The following RAB21 variants were observed in gnomAD, a reference collection of about 807,000 sequenced individuals.
RAB21 encodes ras-related protein Rab-21.
In RAB21, 13 loss-of-function variants were observed where a neutral mutation model predicts 33.1. The observed-to-expected ratio is 0.39, with a 90% CI of 0.26 to 0.62. The LOEUF (loss-of-function observed/expected upper bound fraction) is 0.62. RAB21 is among the 20% of genes least tolerant of loss of function. The pLI is 0.48. For missense variants in RAB21, 234 were observed against 279.1 expected, an observed-to-expected ratio of 0.84 and a Z score of 1.15; for synonymous variants, 91 against 103.7, an observed-to-expected ratio of 0.88 and a Z score of 0.74.
At position 71,788,716 on chromosome 12, in the gene RAB21, A is replaced by C. The variant is rs1262738541; in HGVS notation, c.*3043A>C. On this transcript the variant is annotated 3_prime_UTR_variant, in exon 7 of 7. Coordinates refer to ENST00000261263, the MANE Select transcript of RAB21 (RefSeq NM_014999.4). ...GCATATACAGTTAACTTATATAATT[A>C]AAAATTGGTTTAAGATAGTGATTAA... 1 of 152,186 alleles carries C rather than the reference A, an allele frequency of 6.6e-6. No homozygotes were observed. Among genetic ancestry groups the C allele is most frequent in the Non-Finnish European group, 1.5e-5 (1 of 68,014 alleles). The allele number at this position is 152,186 out of a possible 1,614,324, so 9.4% of individuals were successfully genotyped here.
rs1410070858 is a variant in RAB21 at position 71,797,458 on chromosome 12, T to C, written c.*11785T>C. The C allele has an allele frequency of 6.6e-6, 1 of 151,900 alleles. No homozygotes were observed. Among genetic ancestry groups the C allele is most frequent in the Non-Finnish European group, 1.5e-5 (1 of 67,976 alleles). 9.4% of individuals were successfully genotyped at this position (151,900 alleles called of 1,614,324 possible). On this transcript the variant is annotated 3_prime_UTR_variant, in exon 7 of 7. Transcript: ENST00000261263. ...ATGCGTGACCACAAAACCAAAACTT[T>C]GTATTTCACATGAAAATAAATTCAA...
In RAB21 at chr12:71,789,126, G is replaced by C. The variant is rs2137663506; in HGVS notation, c.*3453G>C. The C allele has an allele frequency of 6.6e-6, 1 of 152,014 alleles. No homozygotes were observed. Among genetic ancestry groups the C allele is most frequent in the African/African-American group, 2.4e-5 (1 of 41,490 alleles). The allele number at this position is 152,014 out of a possible 1,614,324, so 9.4% of individuals were successfully genotyped here. A position where few individuals can be genotyped will look rare whatever the true frequency, so the allele number is the denominator to read the frequency against. On this transcript the variant is annotated 3_prime_UTR_variant, in exon 7 of 7. Coordinates refer to ENST00000261263, the MANE Select transcript of RAB21 (RefSeq NM_014999.4). The stretch of plus-strand genomic sequence containing the variant: ...TGAAAGATAAAATTGGAAAAATAGG[G>C]AAAGAGCATAGGGAGGAATAGAATG...
Position 71,796,037 on chromosome 12 carries a change from A to G in RAB21, c.*10364A>G, listed in dbSNP as rs1162049553. On this transcript the variant is annotated 3_prime_UTR_variant, in exon 7 of 7. Coordinates refer to ENST00000261263, the MANE Select transcript of RAB21 (RefSeq NM_014999.4). ...TGACATTCTAATGTACATACTCGCC[A>G]AGAAATGCTACAAGGAGCCTCTCTG... 2 of 137,782 alleles carry G rather than the reference A, an allele frequency of 1.5e-5. No homozygotes were observed. Among genetic ancestry groups the G allele is most frequent in the Non-Finnish European group, 3.0e-5 (2 of 66,070 alleles). 8.5% of individuals were successfully genotyped at this position (137,782 alleles called of 1,614,324 possible).
In RAB21 at chr12:71,777,914, G is replaced by C. The variant is rs1271948558; in HGVS notation, c.391+3892G>C. 2.6e-5 allele frequency among the ~76,000 whole-genome samples: 4 copies of C among 152,160 alleles called. No homozygotes were observed. The South Asian group carries it at 6.2e-4, about 24-fold the overall frequency. On this transcript the variant is annotated intron_variant, in intron 4 of 6. Transcript: ENST00000261263. ...CCTTCTATCAGGATTGCCTGAGATTGCTTAAATTTTTTAGCAGACATGTCA... is the reference window on the plus strand; with the variant it reads ...CCTTCTATCAGGATTGCCTGAGATTCCTTAAATTTTTTAGCAGACATGTCA...
rs1166027214 is a variant in RAB21 at position 71,795,642 on chromosome 12, A to G, written c.*9969A>G. The G allele has an allele frequency of 1.5e-5, 2 of 137,434 alleles. No individual in the cohort carries two copies. The highest frequency in any genetic ancestry group is 3.0e-5 in the Non-Finnish European group (2 of 66,038). The allele number at this position is 137,434 out of a possible 1,614,324, so 8.5% of individuals were successfully genotyped here. A position where few individuals can be genotyped will look rare whatever the true frequency, so the allele number is the denominator to read the frequency against. The stretch of plus-strand genomic sequence containing the variant: ...GAATTCTAAATTTTTTATATGCCAT[A>G]ATTTTTAGTAATGCTGTCCTTGAAT... On this transcript the variant is annotated 3_prime_UTR_variant, in exon 7 of 7. Transcript: ENST00000261263.
chr12:71,785,789 G>A lies in RAB21; in HGVS notation c.*116G>A, dbSNP rs1883276474. ...TACCAATGGAATTATAGAATTAACA[G>A]TATTTTAAATTACGTTTATAACACT... On this transcript the variant is annotated 3_prime_UTR_variant, in exon 7 of 7. Coordinates refer to ENST00000261263, the MANE Select transcript of RAB21 (RefSeq NM_014999.4). The A allele has an allele frequency of 2.8e-5, 36 of 1,274,714 alleles. No homozygotes were observed. The South Asian group carries it at 4.8e-4, about 17-fold the overall frequency. The allele number at this position is 1,274,714 out of a possible 1,614,324, so 79.0% of individuals were successfully genotyped here. A position where few individuals can be genotyped will look rare whatever the true frequency, so the allele number is the denominator to read the frequency against.
chr12:71,794,740 A>G lies in RAB21; in HGVS notation c.*9067A>G, dbSNP rs925993299. 18 of 146,236 alleles carry G rather than the reference A, an allele frequency of 1.2e-4. No individual in the cohort carries two copies. The highest frequency in any genetic ancestry group is 4.5e-4 in the African/African-American group (18 of 40,344). The allele number at this position is 146,236 out of a possible 1,614,324, so 9.1% of individuals were successfully genotyped here. A position where few individuals can be genotyped will look rare whatever the true frequency, so the allele number is the denominator to read the frequency against. ...AGCGTGAGCCACCGAGCCCAGCTAT[A>G]TTTATAAATTTATATATATTTCATA... On this transcript the variant is annotated 3_prime_UTR_variant, in exon 7 of 7. Transcript: ENST00000261263.
rs544506085 is a variant in RAB21 at position 71,790,649 on chromosome 12, G to T, written c.*4976G>T. 1 of 152,072 alleles carries T rather than the reference G, an allele frequency of 6.6e-6. No homozygotes were observed. Among genetic ancestry groups the T allele is most frequent in the Non-Finnish European group, 1.5e-5 (1 of 67,992 alleles). 9.4% of individuals were successfully genotyped at this position (152,072 alleles called of 1,614,324 possible). A position where few individuals can be genotyped will look rare whatever the true frequency, so the allele number is the denominator to read the frequency against. On this transcript the variant is annotated 3_prime_UTR_variant, in exon 7 of 7. Transcript: ENST00000261263. ...AAATGGTAGTAACTATTGGTCTCTA[G>T]TATATACTCCTCAAATATCTTTTTG...
intron 1 of RAB21, among the ~76,000 whole-genome samples, chr12:71,757,455 A>G (rs1280524590): frequency 6.6e-6 from 1 of 152,196 alleles, no homozygotes; most frequent in African/African-American, 2.4e-5. Flanking sequence ...AAATTTCTAA[A>G]ACATTCTTGA....
intron 1 of RAB21, among the ~76,000 whole-genome samples, chr12:71,765,941 TA>T (rs1402345530): frequency 6.6e-6 from 1 of 152,086 alleles, no homozygotes; most frequent in Non-Finnish European, 1.5e-5. Flanking sequence ...AAAATGTCTA[TA>T]AAATATTAAA....
rs571444380 is a variant in RAB21, at chr12:71,798,907, G to A, written c.*13234G>A. On this transcript the variant is annotated 3_prime_UTR_variant, in exon 7 of 7. Coordinates refer to ENST00000261263, the MANE Select transcript of RAB21 (RefSeq NM_014999.4). The stretch of plus-strand genomic sequence containing the variant: ...CCAGAACTTTTTATGCAGATGGGGG[G>A]GCAGTCTGAATGCTAATTAAGTTTT... 1 of 152,140 alleles carries A rather than the reference G, an allele frequency of 6.6e-6. No homozygotes were observed. The highest frequency in any genetic ancestry group is 1.5e-5 in the Non-Finnish European group (1 of 68,034). The allele number at this position is 152,140 out of a possible 1,614,324, so 9.4% of individuals were successfully genotyped here. A position where few individuals can be genotyped will look rare whatever the true frequency, so the allele number is the denominator to read the frequency against.
intron 4 of RAB21, among the ~76,000 whole-genome samples, chr12:71,779,379 G>T (rs188930791): frequency 6.6e-6 from 1 of 152,136 alleles, no homozygotes; most frequent in Non-Finnish European, 1.5e-5. Flanking sequence ...GCTTGAGCCC[G>T]GGAGGTGGAG....
chr12:71,788,630 G>C lies in RAB21; in HGVS notation c.*2957G>C, dbSNP rs756222628. On this transcript the variant is annotated 3_prime_UTR_variant, in exon 7 of 7. Coordinates refer to ENST00000261263, the MANE Select transcript of RAB21 (RefSeq NM_014999.4). ...TTGTGCTATTAGGCAGAAGACACAA[G>C]TTACCACGTTGTGTATTAAAAGCAG... The C allele has an allele frequency of 6.6e-6, 1 of 152,152 alleles. No individual in the cohort carries two copies. The highest frequency in any genetic ancestry group is 1.5e-5 in the Non-Finnish European group (1 of 68,024). 9.4% of individuals were successfully genotyped at this position (152,152 alleles called of 1,614,324 possible).
In RAB21 at chr12:71,782,875, A is replaced by G. The variant is rs118006572; in HGVS notation, c.535+217A>G. Among the ~76,000 whole-genome samples, 6,126 of 152,150 alleles carry G rather than the reference A, an allele frequency of 0.04. 164 individuals carry two copies. Among genetic ancestry groups the G allele is most frequent in the Non-Finnish European group, 0.059 (4,018 of 67,936 alleles). ...AGCAGTAATTAATGGTTATGAAATC[A>G]TAAGTATGGTGTGGGCTAAATATAT... On this transcript the variant is annotated intron_variant, in intron 6 of 6. Transcript: ENST00000261263.
In RAB21 at chr12:71,770,578, G is replaced by T. The variant is rs991942178; in HGVS notation, c.220-14G>T. The T allele has an allele frequency of 6.6e-7, 1 of 1,521,360 alleles. No individual in the cohort carries two copies. 94.2% of individuals were successfully genotyped at this position (1,521,360 alleles called of 1,614,324 possible). On this transcript the variant is annotated splice_polypyrimidine_tract_variant and intron_variant, in intron 2 of 6. Transcript: ENST00000261263. ...TTTTCTTCTGATCTAATAAGCATTT[G>T]TTGCTTTCTTTAGGATACGGCAGGT...
chr12:71,792,638 A>T lies in RAB21; in HGVS notation c.*6965A>T, dbSNP rs776892982. Reference sequence around the variant, plus strand: ...TTGTTTCTGTATTTTAAAAAATTTTAAAACATTCAGCTTTTTATGACTTTG... The same window carrying T: ...TTGTTTCTGTATTTTAAAAAATTTTTAAACATTCAGCTTTTTATGACTTTG... On this transcript the variant is annotated 3_prime_UTR_variant, in exon 7 of 7. Transcript: ENST00000261263. 3 of 152,238 alleles carry T rather than the reference A, an allele frequency of 2.0e-5. No homozygotes were observed. Among genetic ancestry groups the T allele is most frequent in the African/African-American group, 4.8e-5 (2 of 41,454 alleles). 9.4% of individuals were successfully genotyped at this position (152,238 alleles called of 1,614,324 possible).
intron 1 of RAB21, among the ~76,000 whole-genome samples, chr12:71,756,872 G>A (rs1882792629): frequency 6.6e-6 from 1 of 152,096 alleles, no homozygotes; most frequent in Non-Finnish European, 1.5e-5. Flanking sequence ...CCTATGAAGT[G>A]GATAGTTTAG....
intron 3 of RAB21, among the ~76,000 whole-genome samples, chr12:71,771,458 G>GT (rs1299178034): frequency 3.3e-5 from 5 of 151,968 alleles, no homozygotes; most frequent in African/African-American, 1.2e-4. Flanking sequence ...TGTTTGTTTT[G>GT]TTTTTTCTCT....
intron 1 of RAB21, among the ~76,000 whole-genome samples, chr12:71,759,720 T>C (rs1482591923): frequency 6.6e-6 from 1 of 152,224 alleles, no homozygotes; most frequent in Non-Finnish European, 1.5e-5. Flanking sequence ...ATGAGATGCT[T>C]TGTCAAATTC....
Sources: allele counts gnomAD v4.1 joint callset (sites outside exome capture counted in the v4.1 genomes callset), GRCh38; gene constraint gnomAD v4.1.1; transcripts MANE v1.5; gene names NCBI Gene and HGNC (gene_info 2026-07-23, HGNC 2026-07-21).